The following DDX10 variants were observed in gnomAD, a reference collection of about 807,000 sequenced individuals.
DDX10 encodes the protein DEAD-box helicase 10.
A neutral mutation model predicts 104.3 loss-of-function variants in DDX10; 74 were observed. That is an observed-to-expected ratio of 0.71 (90% CI 0.59 to 0.86). The LOEUF is 0.86. DDX10 is among the 40% of genes least tolerant of loss of function. The pLI is 0.00. For missense variants in DDX10, 952 were observed against 1,040.0 expected (o/e 0.92, Z 1.16); for synonymous variants, 351 against 353.4 (o/e 0.99, Z 0.08).
At chr11:108,720,245 T>C (rs763120417) in intron 12 of DDX10, among the ~76,000 whole-genome samples, 1 of 152,240 alleles carries the variant, frequency 6.6e-6, no homozygotes, top group Non-Finnish European at 1.5e-5. Context: ...TTTGTAAGTA[T>C]AAATTCCTTA....
chr11:108,680,651 A>G (rs2094233594), intron 6 of DDX10, among the ~76,000 whole-genome samples: 1 of 152,246 alleles, frequency 6.6e-6, no homozygotes, highest in South Asian at 2.1e-4. Context: ...ATAGCAATGT[A>G]AATTCAACTC....
chr11:108,698,174 C>T (rs1433043716), intron 9 of DDX10, among the ~76,000 whole-genome samples: 1 of 152,108 alleles, frequency 6.6e-6, no homozygotes, highest in Non-Finnish European at 1.5e-5. Context: ...GAGTTCATGG[C>T]TGGTTGTGGG....
At chr11:108,804,106 G>A (rs999460099) in intron 13 of DDX10, among the ~76,000 whole-genome samples, 2 of 152,164 alleles carry the variant, frequency 1.3e-5, no homozygotes, top group Non-Finnish European at 2.9e-5. Context: ...AATTCAGTAA[G>A]CATTTATTGA....
intron 13 of DDX10, among the ~76,000 whole-genome samples, chr11:108,745,712 TTAAATA>T (rs1442497065): frequency 6.6e-6 from 1 of 152,216 alleles, no homozygotes; most frequent in African/African-American, 2.4e-5. Flanking sequence ...CTCTGAAGTC[TTAAATA>T]TAAACATTTT....
intron 16 of DDX10, among the ~76,000 whole-genome samples, chr11:108,910,945 T>C (rs1316107839): frequency 1.3e-5 from 2 of 152,110 alleles, no homozygotes; most frequent in African/African-American, 2.4e-5. Context: ...AAGAAGCATG[T>C]TGACAGCCAG....
intron 13 of DDX10, among the ~76,000 whole-genome samples, chr11:108,804,365 T>C (rs1187855780): frequency 6.6e-6 from 1 of 151,696 alleles, no homozygotes; most frequent in East Asian, 1.9e-4. Flanking sequence ...CCAGGTATGA[T>C]GGTGTGTGTG....
At position 108,693,586 on chromosome 11, in the gene DDX10, A is replaced by G. The variant is rs2094255731; in HGVS notation, c.1209A>G (p.Ala403=). The change falls in exon 9 of 18, where the codon GCA becomes GCG. Residue 403 remains alanine (A), a synonymous_variant. Coordinates refer to ENST00000322536, the MANE Select transcript of DDX10 (RefSeq NM_004398.4). The part of the protein sequence containing the change: ...PEDANTYIHR[A]GRTARYKEDG... ...ATGCCAACACATATATTCACAGAGC[A>G]GGTAGAACTGCCAGGTAGGTGTACT... The G allele has an allele frequency of 6.2e-7, 1 of 1,613,394 alleles. No homozygotes were observed. The highest frequency in any genetic ancestry group is 8.5e-7 in the Non-Finnish European group (1 of 1,179,314).
At chr11:108,715,178 A>G (rs1376823813) in intron 10 of DDX10, among the ~76,000 whole-genome samples, 2 of 152,036 alleles carry the variant, frequency 1.3e-5, no homozygotes, top group African/African-American at 2.4e-5. Context: ...TTATTACTTG[A>G]AATTGATTTT....
chr11:108,844,985 A>G (rs1862694102), intron 15 of DDX10, among the ~76,000 whole-genome samples: 1 of 152,182 alleles, frequency 6.6e-6, no homozygotes, highest in African/African-American at 2.4e-5. Context: ...TCACAAGGTC[A>G]GGAGATCGAG....
chr11:108,723,243 G>GGAA lies in DDX10; in HGVS notation c.1758_1760dup (p.Glu586dup), dbSNP rs563167397. ...ATAATGATACTGGTAATGAAGAACAGGAAGAAGAAGAAGACGATGAAGAAG... is the reference window on the plus strand; with the variant it reads ...ATAATGATACTGGTAATGAAGAACAGGAAGAAGAAGAAGAAGACGATGAAGAAG... On this transcript the variant is annotated inframe_insertion, in exon 13 of 18. Transcript: ENST00000322536. 2.5e-6 allele frequency: 4 copies of GGAA among 1,613,242 alleles called. No homozygotes were observed. Among genetic ancestry groups the GGAA allele is most frequent in the Admixed American group, 1.7e-5 (1 of 59,880 alleles).
chr11:108,710,787 G>T (rs945239850), intron 10 of DDX10, among the ~76,000 whole-genome samples: 13 of 152,198 alleles, frequency 8.5e-5, no homozygotes, highest in African/African-American at 3.1e-4. Flanking sequence ...ATAAACACAT[G>T]AGTAATGTAT....
At chr11:108,909,515 C>T (rs1706705008) in intron 16 of DDX10, among the ~76,000 whole-genome samples, 1 of 152,036 alleles carries the variant, frequency 6.6e-6, no homozygotes, top group African/African-American at 2.4e-5. Flanking sequence ...GTGCCTCTTC[C>T]TCTGGCTGTT....
At chr11:108,698,170 A>T (rs138386597) in intron 9 of DDX10, among the ~76,000 whole-genome samples, 89 of 152,340 alleles carry the variant, frequency 5.8e-4, no homozygotes, top group Admixed American at 2.0e-3. Context: ...TGAAGAGTTC[A>T]TGGCTGGTTG....
intron 13 of DDX10, among the ~76,000 whole-genome samples, chr11:108,786,530 G>A (rs576392018): frequency 6.6e-6 from 1 of 151,624 alleles, no homozygotes; most frequent in African/African-American, 2.4e-5. Flanking sequence ...ATGGATCTGG[G>A]TGCTCCAGTG....
chr11:108,853,960 C>T (rs960335102), intron 16 of DDX10, among the ~76,000 whole-genome samples: 2 of 152,182 alleles, frequency 1.3e-5, no homozygotes, highest in Non-Finnish European at 2.9e-5. Context: ...TATTATTGCT[C>T]TGAATAGTTT....
chr11:108,818,012 A>G (rs961742173), intron 13 of DDX10, among the ~76,000 whole-genome samples: 26 of 152,128 alleles, frequency 1.7e-4, no homozygotes, highest in Non-Finnish European at 2.9e-5. Context: ...TTTATACAGC[A>G]GTGTTTTAAT....
At chr11:108,736,147 C>T (rs1176840585) in intron 13 of DDX10, among the ~76,000 whole-genome samples, 3 of 136,582 alleles carry the variant, frequency 2.2e-5, no homozygotes, top group African/African-American at 7.7e-5. Context: ...TCTTTGCTTC[C>T]CTAGTTCTTT....
At chr11:108,743,846 A>C (rs1322678191) in intron 13 of DDX10, among the ~76,000 whole-genome samples, 2 of 152,212 alleles carry the variant, frequency 1.3e-5, no homozygotes, top group Non-Finnish European at 2.9e-5. Flanking sequence ...TCCTAAACAC[A>C]CACATGCTGC....
intron 9 of DDX10, among the ~76,000 whole-genome samples, chr11:108,706,456 A>G (rs1284884680): frequency 6.6e-6 from 1 of 152,106 alleles, no homozygotes; most frequent in South Asian, 2.1e-4. Flanking sequence ...TCCTTGTTAT[A>G]TGGGTAGAGA....
Sources: gnomAD v4.1 joint callset for allele counts (sites outside exome capture counted in the v4.1 genomes callset) on GRCh38, gnomAD v4.1.1 for gene constraint, MANE v1.5 for transcripts, NCBI Gene and HGNC (gene_info 2026-07-23, HGNC 2026-07-21) for gene names.